PRKG1: variants seen among roughly 807,000 people sequenced by gnomAD.
The protein encoded by PRKG1 is cGMP-dependent protein kinase 1.
PRKG1 carries 35 observed loss-of-function variants against 88.1 expected under a neutral mutation model. The observed-to-expected ratio is 0.40, with a 90% CI of 0.30 to 0.53. PRKG1 has a LOEUF of 0.53. Among genes scored for constraint, PRKG1 ranks in the 20% least tolerant of loss-of-function variants. PRKG1 has a pLI of 0.59. For missense variants in PRKG1, 540 were observed against 839.8 expected (o/e 0.64, Z 4.41); for synonymous variants, 303 against 292.5 (o/e 1.04, Z -0.37).
intron 1 of PRKG1, among the ~76,000 whole-genome samples, chr10:50,998,203 C>A (rs1842854562): frequency 6.6e-6 from 1 of 152,160 alleles, no homozygotes; most frequent in African/African-American, 2.4e-5. Flanking sequence ...CTTTTCCATG[C>A]TCCTGGATCT....
At chr10:52,192,032 G>A (rs932850088) in intron 9 of PRKG1, among the ~76,000 whole-genome samples, 2 of 152,072 alleles carry the variant, frequency 1.3e-5, no homozygotes, top group Admixed American at 6.5e-5. Context: ...GTAAGTAATT[G>A]GAGCACCAAT....
At chr10:52,038,306 T>C (rs1032841987) in intron 5 of PRKG1, among the ~76,000 whole-genome samples, 1 of 151,394 alleles carries the variant, frequency 6.6e-6, no homozygotes, top group African/African-American at 2.4e-5. Context: ...GGTTCGGGGG[T>C]TCTTACCTTC....
intron 2 of PRKG1, chr10:51,245,664 T>C (rs2132131789): frequency 6.6e-6 from 1 of 152,178 alleles, no homozygotes; most frequent in Non-Finnish European, 1.5e-5. Context: ...AAGCAGAATA[T>C]ATATATTAGG....
intron 9 of PRKG1, among the ~76,000 whole-genome samples, chr10:52,204,106 A>ACTT (rs140924790): frequency 8.6e-4 from 62 of 72,202 alleles, no homozygotes; most frequent in Middle Eastern, 0.012. Flanking sequence ...TATTATTATT[A>ACTT]TTTTTTGTTT....
intron 2 of PRKG1, among the ~76,000 whole-genome samples, chr10:51,336,890 G>A (rs143399306): frequency 2.0e-3 from 306 of 152,202 alleles, no homozygotes; most frequent in Non-Finnish European, 3.3e-3. Context: ...GACATTCTTC[G>A]AAGAATTAGA....
chr10:51,034,613 C>T (rs1843326818), intron 1 of PRKG1, among the ~76,000 whole-genome samples: 1 of 140,700 alleles, frequency 7.1e-6, no homozygotes, highest in African/African-American at 2.6e-5. Flanking sequence ...ACTTAGAATT[C>T]ACAACTTTTT....
chr10:51,433,294 A>C (rs966707189), intron 2 of PRKG1, among the ~76,000 whole-genome samples: 1 of 152,136 alleles, frequency 6.6e-6, no homozygotes, highest in East Asian at 1.9e-4. Context: ...TTAAGAAATG[A>C]GACTCTTCAC....
intron 5 of PRKG1, among the ~76,000 whole-genome samples, chr10:52,022,991 C>T (rs568933885): frequency 4.9e-4 from 74 of 152,044 alleles, no homozygotes; most frequent in African/African-American, 8.7e-4. Context: ...TAGGTATACA[C>T]GTGCCAAGGT....
At chr10:51,628,726 G>T (rs559881799) in intron 3 of PRKG1, among the ~76,000 whole-genome samples, 1 of 151,730 alleles carries the variant, frequency 6.6e-6, no homozygotes, top group Non-Finnish European at 1.5e-5. Flanking sequence ...TTGGGAGGCC[G>T]AGGCGGGTGG....
chr10:51,247,432 A>C (rs1212940647), intron 2 of PRKG1, among the ~76,000 whole-genome samples: 2 of 152,028 alleles, frequency 1.3e-5, no homozygotes, highest in African/African-American at 4.8e-5. Context: ...GGTCCTTTTC[A>C]TATGCATATG....
At chr10:51,373,882 G>A (rs553139951) in intron 2 of PRKG1, among the ~76,000 whole-genome samples, 7 of 151,304 alleles carry the variant, frequency 4.6e-5, no homozygotes, top group Middle Eastern at 3.4e-3. Context: ...GGTGGCTCAC[G>A]CCTGTAATCC....
intron 2 of PRKG1, among the ~76,000 whole-genome samples, chr10:51,447,372 C>G (rs966032955): frequency 6.6e-6 from 1 of 152,024 alleles, no homozygotes; most frequent in Non-Finnish European, 1.5e-5. Flanking sequence ...GGGCTCTGCA[C>G]ATGAACAATC....
intron 9 of PRKG1, among the ~76,000 whole-genome samples, chr10:52,231,596 C>A (rs905320596): frequency 6.6e-6 from 1 of 152,110 alleles, no homozygotes; most frequent in African/African-American, 2.4e-5. Context: ...CGCTAGGTAA[C>A]AAATTTCATT....
At chr10:51,515,015 T>C (rs1272140200) in intron 3 of PRKG1, among the ~76,000 whole-genome samples, 1 of 152,154 alleles carries the variant, frequency 6.6e-6, no homozygotes, top group East Asian at 1.9e-4. Flanking sequence ...CTTCCCCCAG[T>C]TGTGACAAGT....
intron 1 of PRKG1, among the ~76,000 whole-genome samples, chr10:51,079,638 G>A (rs948368584): frequency 1.1e-4 from 17 of 152,092 alleles, no homozygotes; most frequent in African/African-American, 3.6e-4. Context: ...TAAAGTAGGC[G>A]AGAGGGCATT....
intron 3 of PRKG1, among the ~76,000 whole-genome samples, chr10:51,641,658 T>C (rs1209425191): frequency 6.6e-6 from 1 of 152,140 alleles, no homozygotes; most frequent in South Asian, 2.1e-4. Flanking sequence ...TTGTTGCCAC[T>C]GAAAGTAATG....
chr10:51,201,503 T>A (rs897366532), intron 2 of PRKG1, among the ~76,000 whole-genome samples: 2 of 152,100 alleles, frequency 1.3e-5, no homozygotes, highest in African/African-American at 2.4e-5. Context: ...ATCAAAGCCA[T>A]GTATTTTTAT....
chr10:52,219,219 C>G (rs1200902119), intron 9 of PRKG1, among the ~76,000 whole-genome samples: 1 of 151,572 alleles, frequency 6.6e-6, no homozygotes, highest in Admixed American at 6.6e-5. Flanking sequence ...CAACTATTTA[C>G]AAGCTTATGA....
chr10:51,664,926 A>C (rs1327285595), intron 3 of PRKG1, among the ~76,000 whole-genome samples: 2 of 152,144 alleles, frequency 1.3e-5, no homozygotes, highest in African/African-American at 4.8e-5. Context: ...TTATTGTTAT[A>C]AGAGTATGTC....
Sources: gnomAD v4.1 joint callset for allele counts (sites outside exome capture counted in the v4.1 genomes callset) on GRCh38, gnomAD v4.1.1 for gene constraint, MANE v1.5 for transcripts, NCBI Gene and HGNC (gene_info 2026-07-23, HGNC 2026-07-21) for gene names.